Variants in FOXP2 observed in about 807,000 individuals in gnomAD.
The protein encoded by FOXP2 is forkhead box protein P2.
FOXP2 carries 12 observed loss-of-function variants against 115.8 expected under a neutral mutation model. The ratio of observed to expected loss-of-function variants is 0.10; its 90% CI spans 0.07 to 0.17. The LOEUF (loss-of-function observed/expected upper bound fraction) is 0.17. FOXP2 is among the 10% of genes least tolerant of loss of function. The pLI, the probability that FOXP2 is intolerant of heterozygous loss-of-function variation, is 1.00. For synonymous variants in FOXP2, 328 were observed against 297.7 expected (o/e 1.10, Z -1.05); for missense variants, 629 against 843.5 (o/e 0.75, Z 3.15).
intron 3 of FOXP2, among the ~76,000 whole-genome samples, chr7:114,587,556 A>G (rs918810740): frequency 4.6e-5 from 7 of 152,032 alleles, no homozygotes; most frequent in African/African-American, 1.7e-4. Flanking sequence ...TATTTAACTC[A>G]TTTTAAAATT....
At chr7:114,429,957 T>C (rs895466257) in intron 2 of FOXP2, among the ~76,000 whole-genome samples, 1 of 151,640 alleles carries the variant, frequency 6.6e-6, no homozygotes, top group Non-Finnish European at 1.5e-5. Context: ...CCCTGATAAT[T>C]TGATCAAGGA....
intron 1 of FOXP2, among the ~76,000 whole-genome samples, chr7:114,128,560 A>G (rs1393316778): frequency 6.6e-6 from 1 of 151,750 alleles, no homozygotes; most frequent in Non-Finnish European, 1.5e-5. Flanking sequence ...TTTAGTTCTG[A>G]AAGTTTATTT....
chr7:114,119,278 C>T (rs780154234), intron 1 of FOXP2, among the ~76,000 whole-genome samples: 2 of 152,102 alleles, frequency 1.3e-5, no homozygotes, highest in Non-Finnish European at 2.9e-5. Flanking sequence ...CTCATGCTCA[C>T]AAAACGGGCA....
chr7:114,480,932 C>T (rs1796508929), intron 2 of FOXP2, among the ~76,000 whole-genome samples: 1 of 151,140 alleles, frequency 6.6e-6, no homozygotes, highest in Non-Finnish European at 1.5e-5. Flanking sequence ...AAACACTTAA[C>T]TCCCAGTATT....
At chr7:114,661,846 A>G in intron 13 of FOXP2, 1 of 514,832 alleles carries the variant, frequency 1.9e-6, no homozygotes, top group South Asian at 2.0e-5. Flanking sequence ...AGCTATTATT[A>G]AAATAGCTTG....
chr7:114,582,270 G>T (rs560538741), intron 3 of FOXP2, among the ~76,000 whole-genome samples: 1 of 152,302 alleles, frequency 6.6e-6, no homozygotes, highest in Non-Finnish European at 1.5e-5. Flanking sequence ...CAAACTCATA[G>T]TTAGACTGTT....
At chr7:114,384,397 G>T (rs772711525) in intron 2 of FOXP2, among the ~76,000 whole-genome samples, 12 of 152,186 alleles carry the variant, frequency 7.9e-5, no homozygotes, top group African/African-American at 1.2e-4. Context: ...TTTTGATTCT[G>T]TAAGTACTTT....
chr7:114,304,870 A>G (rs966210933), intron 2 of FOXP2, among the ~76,000 whole-genome samples: 4 of 152,098 alleles, frequency 2.6e-5, no homozygotes, highest in Non-Finnish European at 5.9e-5. Context: ...CGTTAAAGGC[A>G]TTTAAGAATA....
intron 1 of FOXP2, among the ~76,000 whole-genome samples, chr7:114,124,525 C>T (rs1791650293): frequency 6.6e-6 from 1 of 151,990 alleles, no homozygotes; most frequent in Non-Finnish European, 1.5e-5. Flanking sequence ...GACTGATTAA[C>T]ACATGACATA....
chr7:114,242,511 T>A (rs992007477), intron 1 of FOXP2, among the ~76,000 whole-genome samples: 7 of 151,814 alleles, frequency 4.6e-5, no homozygotes, highest in Non-Finnish European at 1.5e-5. Flanking sequence ...AAGGAAGGAG[T>A]ACTCATAACC....
At chr7:114,649,337 T>C (rs958767595) in intron 8 of FOXP2, among the ~76,000 whole-genome samples, 1 of 152,064 alleles carries the variant, frequency 6.6e-6, no homozygotes, top group African/African-American at 2.4e-5. Flanking sequence ...ATGAAAAGGG[T>C]ATTTGCAACA....
At chr7:114,234,835 A>G (rs1030003366) in intron 1 of FOXP2, among the ~76,000 whole-genome samples, 56 of 152,196 alleles carry the variant, frequency 3.7e-4, no homozygotes, top group African/African-American at 1.3e-3. Flanking sequence ...GTCGTAGATC[A>G]TATGTCTCTA....
At chr7:114,548,127 C>A (rs923584297) in intron 3 of FOXP2, among the ~76,000 whole-genome samples, 1 of 152,150 alleles carries the variant, frequency 6.6e-6, no homozygotes, top group Non-Finnish European at 1.5e-5. Context: ...AGATAACTCT[C>A]CTTCCTCCAA....
At chr7:114,296,804 T>C (rs775030059) in intron 2 of FOXP2, among the ~76,000 whole-genome samples, 56 of 152,268 alleles carry the variant, frequency 3.7e-4, no homozygotes, top group Non-Finnish European at 5.0e-4. Context: ...GACAGATCAA[T>C]AAAAGAATTT....
At chr7:114,642,190 C>G (rs1325842975) in intron 6 of FOXP2, among the ~76,000 whole-genome samples, 3 of 151,924 alleles carry the variant, frequency 2.0e-5, no homozygotes, top group African/African-American at 7.3e-5. Context: ...GCATTATTCC[C>G]CATACTATTC....
intron 2 of FOXP2, among the ~76,000 whole-genome samples, chr7:114,320,683 A>G (rs1253228935): frequency 6.6e-6 from 1 of 152,174 alleles, no homozygotes; most frequent in African/African-American, 2.4e-5. Context: ...GTCTGTCTTC[A>G]TAGCTGCATG....
chr7:114,385,406 G>C (rs948338879), intron 2 of FOXP2, among the ~76,000 whole-genome samples: 1 of 152,156 alleles, frequency 6.6e-6, no homozygotes, highest in African/African-American at 2.4e-5. Context: ...GGAAAGGTAG[G>C]GGCGCACACA....
At chr7:114,187,649 T>C (rs973805761) in intron 1 of FOXP2, among the ~76,000 whole-genome samples, 1 of 152,232 alleles carries the variant, frequency 6.6e-6, no homozygotes, top group Non-Finnish European at 1.5e-5. Context: ...AGCCTGTAAC[T>C]AGTACCTGGT....
chr7:114,619,443 G>T (rs1419396810), intron 3 of FOXP2, among the ~76,000 whole-genome samples: 1 of 152,028 alleles, frequency 6.6e-6, no homozygotes, highest in African/African-American at 2.4e-5. Flanking sequence ...GTTTATATTG[G>T]ATTTGAAATA....
Sources: allele counts gnomAD v4.1 joint callset (sites outside exome capture counted in the v4.1 genomes callset), GRCh38; gene constraint gnomAD v4.1.1; transcripts MANE v1.5; gene names NCBI Gene and HGNC (gene_info 2026-07-23, HGNC 2026-07-21).